The following ANXA8 variants were observed in gnomAD, a reference collection of about 807,000 sequenced individuals.
The protein encoded by ANXA8 is VAC-beta.
A neutral mutation model predicts 26.8 loss-of-function variants in ANXA8; 9 were observed. The ratio of observed to expected loss-of-function variants is 0.34; its 90% CI spans 0.20 to 0.59. ANXA8 has a LOEUF of 0.59. ANXA8 is among the 20% of genes least tolerant of loss of function. ANXA8 has a pLI of 0.84. For missense variants in ANXA8, 83 were observed against 238.5 expected, an observed-to-expected ratio of 0.35 and a Z score of 4.29; for synonymous variants, 39 against 94.8, an observed-to-expected ratio of 0.41 and a Z score of 3.42.
At chr10:47,683,816 T>C in the ANXA8 span, among the ~76,000 whole-genome samples, 1 of 151,020 alleles carries the variant, frequency 6.6e-6, no homozygotes, top group Non-Finnish European at 1.5e-5. Context: ...ACTTTATGAT[T>C]TTTTTGGTGT....
chr10:47,677,314 C>G, the ANXA8 span, among the ~76,000 whole-genome samples: 1 of 152,114 alleles, frequency 6.6e-6, no homozygotes, highest in Non-Finnish European at 1.5e-5. Flanking sequence ...AAAACACAAA[C>G]AGGGATACCA....
At chr10:47,571,857 C>T in the ANXA8 span, among the ~76,000 whole-genome samples, 46 of 148,498 alleles carry the variant, frequency 3.1e-4, no homozygotes, top group Non-Finnish European at 6.4e-4. Flanking sequence ...AGACTGGTCT[C>T]GAACTCCTGG....
At chr10:47,514,175 C>T in the ANXA8 span, among the ~76,000 whole-genome samples, 2 of 144,376 alleles carry the variant, frequency 1.4e-5, no homozygotes, top group African/African-American at 5.2e-5. Flanking sequence ...AAACAAATTA[C>T]AATTACAAAA....
At chr10:47,700,750 A>G in the ANXA8 span, among the ~76,000 whole-genome samples, 2 of 151,226 alleles carry the variant, frequency 1.3e-5, no homozygotes, top group African/African-American at 2.4e-5. Flanking sequence ...CATACAACAA[A>G]AGGCTAATAT....
the ANXA8 span, among the ~76,000 whole-genome samples, chr10:47,978,174 T>C: frequency 2.5e-3 from 377 of 152,062 alleles, no homozygotes; most frequent in African/African-American, 8.7e-3. Context: ...ATTAAAAGTA[T>C]TGTAAGAAAA....
the ANXA8 span, among the ~76,000 whole-genome samples, chr10:47,702,659 G>A: frequency 1.3e-5 from 2 of 151,444 alleles, no homozygotes; most frequent in Non-Finnish European, 2.9e-5. Context: ...TTTGAGACAG[G>A]GTCTGGCTCT....
the ANXA8 span, among the ~76,000 whole-genome samples, chr10:47,617,965 A>G: frequency 1.6e-5 from 2 of 122,512 alleles, no homozygotes; most frequent in Non-Finnish European, 3.6e-5. Context: ...GAAAAATGAA[A>G]TGAAATTGTA....
the ANXA8 span, among the ~76,000 whole-genome samples, chr10:47,609,243 C>A: frequency 6.8e-6 from 1 of 147,738 alleles, no homozygotes; most frequent in Non-Finnish European, 1.5e-5. Context: ...TTGTATTTTA[C>A]TTCATGAGAA....
At chr10:47,720,544 AAC>A in the ANXA8 span, among the ~76,000 whole-genome samples, 1 of 146,012 alleles carries the variant, frequency 6.8e-6, no homozygotes, top group Non-Finnish European at 1.5e-5. Flanking sequence ...CTCAGTGAAA[AAC>A]ACATTGTTTT....
chr10:47,562,165 A>G, the ANXA8 span, among the ~76,000 whole-genome samples: 1 of 151,806 alleles, frequency 6.6e-6, no homozygotes, highest in South Asian at 2.1e-4. Context: ...GCTCTTTATG[A>G]TCTGTATAAT....
chr10:47,944,056 C>T, the ANXA8 span, among the ~76,000 whole-genome samples: 4 of 147,426 alleles, frequency 2.7e-5, no homozygotes, highest in African/African-American at 1.0e-4. Flanking sequence ...TTGCAGAATG[C>T]CATACACCAC....
chr10:47,646,857 A>C, the ANXA8 span, among the ~76,000 whole-genome samples: 3 of 152,236 alleles, frequency 2.0e-5, no homozygotes, highest in South Asian at 6.2e-4. Context: ...ACAAAATAGA[A>C]ACTAAGCAGT....
chr10:47,503,937 C>CAAAAAAAAAAAA, the ANXA8 span, among the ~76,000 whole-genome samples: 6 of 23,438 alleles, frequency 2.6e-4, no homozygotes, highest in African/African-American at 4.2e-4. Flanking sequence ...GAGAGTCCAT[C>CAAAAAAAAAAAA]AAAAAAAAAA....
intron 11 of ANXA8, among the ~76,000 whole-genome samples, chr10:47,469,954 C>T (rs1228382059): frequency 2.0e-5 from 3 of 151,548 alleles, no homozygotes; most frequent in Admixed American, 1.3e-4. Context: ...TCCTAGCTCA[C>T]GGCAGCCTTG....
chr10:47,693,292 CTTT>C, the ANXA8 span, among the ~76,000 whole-genome samples: 2 of 140,832 alleles, frequency 1.4e-5, no homozygotes, highest in African/African-American at 2.7e-5. Flanking sequence ...CAAGTACAAT[CTTT>C]TTTTTTTTTT....
chr10:47,777,800 T>A, the ANXA8 span, among the ~76,000 whole-genome samples: 2 of 151,892 alleles, frequency 1.3e-5, no homozygotes, highest in Non-Finnish European at 2.9e-5. Context: ...ACATTTTTTT[T>A]TAGAGAGAAG....
chr10:47,587,181 G>A, the ANXA8 span, among the ~76,000 whole-genome samples: 1 of 144,736 alleles, frequency 6.9e-6, no homozygotes, highest in South Asian at 2.2e-4. Context: ...TCCAACCTGG[G>A]TGACAGAGGA....
chr10:47,724,377 T>A, the ANXA8 span, among the ~76,000 whole-genome samples: 62 of 141,144 alleles, frequency 4.4e-4, 2 homozygotes, highest in Admixed American at 7.1e-4. Context: ...CACCCATCAG[T>A]CATCTCCTTG....
At chr10:47,898,447 G>A in the ANXA8 span, among the ~76,000 whole-genome samples, 16 of 1,122 alleles carry the variant, frequency 0.014, no homozygotes, top group Admixed American at 0.07. Context: ...TGGATTAGAG[G>A]AACCCAGAAG....
Sources: gnomAD v4.1 joint callset for allele counts (sites outside exome capture counted in the v4.1 genomes callset) on GRCh38, gnomAD v4.1.1 for gene constraint, MANE v1.5 for transcripts, NCBI Gene and HGNC (gene_info 2026-07-23, HGNC 2026-07-21) for gene names.